Variants in GRM7 observed in about 807,000 individuals in gnomAD.
GRM7 encodes the protein metabotropic glutamate receptor 7.
In GRM7, 35 loss-of-function variants were observed where a neutral mutation model predicts 84.5. The ratio of observed to expected loss-of-function variants is 0.41; its 90% CI spans 0.32 to 0.55. The LOEUF (loss-of-function observed/expected upper bound fraction) is 0.55. Ranked by LOEUF, GRM7 falls within the 20% of genes least tolerant of loss-of-function variation. The probability of loss-of-function intolerance (pLI) is 0.19; values close to 1 mark genes in which losing one functional copy is unlikely to be tolerated. For missense variants in GRM7, 1,003 were observed against 1,194.6 expected, an observed-to-expected ratio of 0.84 and a Z score of 2.36; for synonymous variants, 487 against 455.1, an observed-to-expected ratio of 1.07 and a Z score of -0.89.
chr3:7,504,090 TA>T (rs1699966518), intron 7 of GRM7, among the ~76,000 whole-genome samples: 1 of 152,122 alleles, frequency 6.6e-6, no homozygotes, highest in Non-Finnish European at 1.5e-5. Context: ...GCCTCAAATG[TA>T]TGAAAAAAAG....
intron 1 of GRM7, among the ~76,000 whole-genome samples, chr3:7,072,660 C>G (rs1229758114): frequency 6.6e-6 from 1 of 151,986 alleles, no homozygotes; most frequent in East Asian, 1.9e-4. Flanking sequence ...GCACTCCACA[C>G]TGTGAGACAG....
chr3:7,589,788 G>A (rs1695692492), intron 8 of GRM7, among the ~76,000 whole-genome samples: 1 of 152,210 alleles, frequency 6.6e-6, no homozygotes, highest in African/African-American at 2.4e-5. Flanking sequence ...CTGACAATCA[G>A]TCTAGCTGAT....
At chr3:7,667,323 G>A (rs1264824898) in intron 8 of GRM7, among the ~76,000 whole-genome samples, 1 of 151,178 alleles carries the variant, frequency 6.6e-6, no homozygotes, top group African/African-American at 2.4e-5. Flanking sequence ...TAGTTGCATG[G>A]AAATGAGAAT....
At chr3:7,440,126 G>A (rs914333664) in intron 5 of GRM7, among the ~76,000 whole-genome samples, 13 of 152,166 alleles carry the variant, frequency 8.5e-5, no homozygotes, top group African/African-American at 3.1e-4. Context: ...GATCAGAGAG[G>A]CTTGTCCAGT....
intron 3 of GRM7, among the ~76,000 whole-genome samples, chr3:7,305,705 A>T (rs1700171489): frequency 6.6e-6 from 1 of 151,352 alleles, no homozygotes; most frequent in Admixed American, 6.6e-5. Context: ...TTGTCAGCTT[A>T]TTCACAATCT....
intron 1 of GRM7, among the ~76,000 whole-genome samples, chr3:7,006,244 T>C (rs761765214): frequency 3.9e-5 from 6 of 152,132 alleles, no homozygotes; most frequent in Non-Finnish European, 7.3e-5. Context: ...CATAGGAAAA[T>C]GGATAGAAAA....
At chr3:6,934,480 G>A (rs374808648) in intron 1 of GRM7, among the ~76,000 whole-genome samples, 5 of 152,166 alleles carry the variant, frequency 3.3e-5, no homozygotes, top group South Asian at 2.1e-4. Context: ...ATTACAATTC[G>A]GAGTTAGTTT....
chr3:6,888,385 A>G (rs1695790588), intron 1 of GRM7, among the ~76,000 whole-genome samples: 1 of 152,128 alleles, frequency 6.6e-6, no homozygotes, highest in Non-Finnish European at 1.5e-5. Context: ...TAAGTCTTTA[A>G]TCCATCTTGA....
intron 9 of GRM7, among the ~76,000 whole-genome samples, chr3:7,736,655 G>C: frequency 6.6e-6 from 1 of 152,274 alleles, no homozygotes; most frequent in Non-Finnish European, 1.5e-5. Flanking sequence ...ACTATGGGGG[G>C]ATGGGGAAGA....
chr3:7,510,506 G>A (rs1700166325), intron 7 of GRM7, among the ~76,000 whole-genome samples: 1 of 152,038 alleles, frequency 6.6e-6, no homozygotes, highest in South Asian at 2.1e-4. Flanking sequence ...ATAGTGTTGG[G>A]GAACCTTGTA....
intron 9 of GRM7, among the ~76,000 whole-genome samples, chr3:7,731,996 A>C (rs1702348231): frequency 6.6e-6 from 1 of 152,150 alleles, no homozygotes; most frequent in African/African-American, 2.4e-5. Flanking sequence ...GAACGAGATA[A>C]TATGAGTGCA....
At chr3:7,109,682 G>A (rs570351916) in intron 1 of GRM7, among the ~76,000 whole-genome samples, 1 of 152,082 alleles carries the variant, frequency 6.6e-6, no homozygotes, top group African/African-American at 2.4e-5. Flanking sequence ...TGAGTTCTAT[G>A]TACTAAAAAT....
At chr3:7,482,618 G>C (rs906626410) in intron 7 of GRM7, among the ~76,000 whole-genome samples, 7 of 152,206 alleles carry the variant, frequency 4.6e-5, no homozygotes, top group Admixed American at 3.9e-4. Flanking sequence ...GGAGGCAATG[G>C]TATGTATAGG....
chr3:7,057,593 A>T (rs895530631), intron 1 of GRM7, among the ~76,000 whole-genome samples: 7 of 151,916 alleles, frequency 4.6e-5, no homozygotes, highest in African/African-American at 1.2e-4. Flanking sequence ...TTTAAAAAAT[A>T]AAAAAAATCA....
In GRM7 at chr3:7,210,316, T is replaced by C. The variant is rs369733346; in HGVS notation, c.736+63648T>C. Among the ~76,000 whole-genome samples the C allele has an allele frequency of 3.9e-5, 6 of 152,346 alleles. No homozygotes were observed. In the East Asian group the frequency reaches 1.2e-3, roughly 29 times the overall value. On this transcript the variant is annotated intron_variant, in intron 2 of 9. Coordinates refer to ENST00000357716, the MANE Select transcript of GRM7 (RefSeq NM_000844.4). ...CATGGCTTCACAGCCATTAGAAACA[T>C]ACCCTAAGAAGCTTTCCTACCGCTA...
chr3:7,040,218 T>C (rs1041885926), intron 1 of GRM7, among the ~76,000 whole-genome samples: 8 of 152,218 alleles, frequency 5.3e-5, no homozygotes, highest in African/African-American at 1.4e-4. Flanking sequence ...TAGCTGAACA[T>C]TGATAACTCA....
At chr3:7,657,314 A>G (rs981738216) in intron 8 of GRM7, among the ~76,000 whole-genome samples, 1 of 152,226 alleles carries the variant, frequency 6.6e-6, no homozygotes, top group Admixed American at 6.5e-5. Context: ...CATGCCTGTC[A>G]TGCCATAACA....
Position 7,214,902 on chromosome 3 carries a change from C to A in GRM7, c.736+68234C>A, listed in dbSNP as rs188988836. Among the ~76,000 whole-genome samples, 493 of 152,192 alleles carry A rather than the reference C, an allele frequency of 3.2e-3. 3 individuals carry two copies. Among genetic ancestry groups the A allele is most frequent in the African/African-American group, 0.011 (470 of 41,518 alleles). ...TGTAACATTGGATTCTTTATATATT[C>A]CAGGATTTTTCCAAGATTAGTATTT... On this transcript the variant is annotated intron_variant, in intron 2 of 9. Transcript: ENST00000357716.
chr3:7,096,431 A>G (rs1698863084), intron 1 of GRM7, among the ~76,000 whole-genome samples: 1 of 152,140 alleles, frequency 6.6e-6, no homozygotes, highest in African/African-American at 2.4e-5. Context: ...AGAAAGTGCT[A>G]TCCTTATAAT....
Sources: allele counts gnomAD v4.1 joint callset (sites outside exome capture counted in the v4.1 genomes callset), GRCh38; gene constraint gnomAD v4.1.1; transcripts MANE v1.5; gene names NCBI Gene and HGNC (gene_info 2026-07-23, HGNC 2026-07-21).